PLAGL1: variants seen among roughly 807,000 people sequenced by gnomAD.
PLAGL1 encodes the protein zinc finger protein PLAGL1.
In PLAGL1, 1 loss-of-function variant was observed where a neutral mutation model predicts 4.6. The observed-to-expected ratio is 0.22, with a 90% CI of 0.08 to 1.03. PLAGL1 has a LOEUF of 1.03. Among genes scored for constraint, PLAGL1 ranks in the 50% least tolerant of loss-of-function variants. The pLI is 0.58. For synonymous variants in PLAGL1, 240 were observed against 237.8 expected, an observed-to-expected ratio of 1.01 and a Z score of -0.08; for missense variants, 464 against 570.4, an observed-to-expected ratio of 0.81 and a Z score of 1.90.
rs752733300 is a variant in PLAGL1 at position 144,027,292 on chromosome 6, A to AAAGAAAAAGAAAAAGT, written c.-151+37175_-151+37176insACTTTTTCTTTTTCTT. ...GAAAGAAAGAAAGAAAGAAAGAAAG[A>AAAGAAAAAGAAAAAGT]AAGTTATTTGATCTGAAGTACAATG... On this transcript the variant is annotated intron_variant, in intron 1 of 3. Coordinates refer to the PLAGL1 transcript ENST00000437412. The surrounding 1 kb of genome is among the most constrained non-coding windows in gnomAD (Gnocchi z 5.8). Among the ~76,000 whole-genome samples the AAAGAAAAAGAAAAAGT allele has an allele frequency of 1.4e-5, 2 of 142,492 alleles. No individual in the cohort carries two copies. The highest frequency in any genetic ancestry group is 3.1e-5 in the Non-Finnish European group (2 of 65,024). 93.5% of individuals were successfully genotyped at this position (142,492 alleles called of 152,430 possible).
chr6:144,045,294 T>C (rs539125599), intron 1 of PLAGL1, among the ~76,000 whole-genome samples: 2 of 152,330 alleles, frequency 1.3e-5, no homozygotes, highest in Admixed American at 6.5e-5. Flanking sequence ...GTCTTTACAA[T>C]TGGGCATGTT....
At chr6:144,049,991 A>G (rs1333836499) in intron 1 of PLAGL1, among the ~76,000 whole-genome samples, 1 of 152,150 alleles carries the variant, frequency 6.6e-6, no homozygotes, top group Non-Finnish European at 1.5e-5. Flanking sequence ...GAGGGGAGGA[A>G]AGGTGCAGAT....
chr6:144,049,625 C>T (rs1798435725), intron 1 of PLAGL1, among the ~76,000 whole-genome samples: 2 of 152,050 alleles, frequency 1.3e-5, no homozygotes, highest in South Asian at 4.1e-4. Flanking sequence ...TGAGAACTCA[C>T]TCACTATCAT....
chr6:143,977,666 A>T (rs1477702242), intron 2 of PLAGL1, among the ~76,000 whole-genome samples: 1 of 151,422 alleles, frequency 6.6e-6, no homozygotes, highest in Non-Finnish European at 1.5e-5. Flanking sequence ...TGCCAGGCTA[A>T]TTTTTGTATT....
At chr6:144,029,260 C>T (rs1045136198) in intron 1 of PLAGL1, among the ~76,000 whole-genome samples, 4 of 152,040 alleles carry the variant, frequency 2.6e-5, no homozygotes, top group African/African-American at 9.7e-5. Flanking sequence ...TCCAAGTTTG[C>T]ACAAACCCCA....
intron 1 of PLAGL1, among the ~76,000 whole-genome samples, chr6:144,017,357 G>C (rs1795636178): frequency 6.7e-6 from 1 of 148,544 alleles, no homozygotes; most frequent in Non-Finnish European, 1.5e-5. Context: ...TATTTGCAAT[G>C]ACTTCTCCAT....
chr6:144,004,098 G>A lies in PLAGL1; in HGVS notation c.-584+3992C>T, dbSNP rs1398354817. Among the ~76,000 whole-genome samples, 3 of 152,166 alleles carry A rather than the reference G, an allele frequency of 2.0e-5. No homozygotes were observed. The highest frequency in any genetic ancestry group is 7.2e-5 in the African/African-American group (3 of 41,432). ...TAAATTTTTTTCTGTAAATGGCCAC[G>A]TGGTAAATAGTTTAGGCTTTGTGGG... On this transcript the variant is annotated intron_variant, in intron 1 of 7. Transcript: ENST00000674357. The surrounding 1 kb of genome is among the most constrained non-coding windows in gnomAD (Gnocchi z 4.2).
At chr6:144,010,615 A>G (rs1795107503), upstream of PLAGL1, among the ~76,000 whole-genome samples, 1 of 152,256 alleles carries the variant, frequency 6.6e-6, no homozygotes, top group Non-Finnish European at 1.5e-5. This position sits in a 1 kb window ranked among gnomAD's most constrained non-coding sequence, Gnocchi z 4.1. Flanking sequence ...TTTAAATTTC[A>G]TATGGAACCA....
Position 144,039,084 on chromosome 6 carries a change from G to A in PLAGL1, c.-151+25384C>T, listed in dbSNP as rs1457168307. ...CTCAGGGATAGGGGAAAGACATAAA[G>A]TAAAAACACAAGCCACAAATTTGGG... is the stretch of plus-strand genomic sequence containing the variant. On this transcript the variant is annotated intron_variant, in intron 1 of 3. Coordinates refer to the PLAGL1 transcript ENST00000437412. The surrounding 1 kb of genome is among the most constrained non-coding windows in gnomAD (Gnocchi z 4.1). Among the ~76,000 whole-genome samples the A allele has an allele frequency of 6.6e-6, 1 of 152,014 alleles. No individual in the cohort carries two copies. Among genetic ancestry groups the A allele is most frequent in the Non-Finnish European group, 1.5e-5 (1 of 68,002 alleles).
At chr6:144,051,423 A>G (rs1164140971) in intron 1 of PLAGL1, among the ~76,000 whole-genome samples, 1 of 152,234 alleles carries the variant, frequency 6.6e-6, no homozygotes, top group Non-Finnish European at 1.5e-5. Context: ...CATGAGGCAC[A>G]CACATACAAT....
chr6:143,974,466 C>T (rs980510211), intron 2 of PLAGL1, among the ~76,000 whole-genome samples: 12 of 151,680 alleles, frequency 7.9e-5, no homozygotes, highest in Admixed American at 3.3e-4. Context: ...GTCAAAGATG[C>T]TATTTTGTAT....
intron 1 of PLAGL1, among the ~76,000 whole-genome samples, chr6:144,001,997 A>C (rs758113878): frequency 3.3e-4 from 50 of 152,190 alleles, no homozygotes; most frequent in Admixed American, 7.2e-4. Context: ...TGAAATTAAA[A>C]AAAAAGAACA....
rs567666612 is a variant in PLAGL1, at chr6:143,950,748, G to GTTGA, written c.-324-2292_-324-2289dup. ...CACTTTTCTCAACTTATCTCAGTAA[G>GTTGA]TTGATTCTCCCCAATTCTTGCTTTA... is the stretch of plus-strand genomic sequence containing the variant. On this transcript the variant is annotated intron_variant, in intron 6 of 7. Transcript: ENST00000674357. The surrounding 1 kb of genome is among the most constrained non-coding windows in gnomAD (Gnocchi z 6.3). Among the ~76,000 whole-genome samples the GTTGA allele has an allele frequency of 1.9e-3, 293 of 152,232 alleles. 3 individuals are homozygous for GTTGA. Among genetic ancestry groups the GTTGA allele is most frequent in the East Asian group, 0.014 (72 of 5,186 alleles).
chr6:144,047,588 T>A (rs1798258673), intron 1 of PLAGL1, among the ~76,000 whole-genome samples: 2 of 151,976 alleles, frequency 1.3e-5, no homozygotes, highest in Admixed American at 6.6e-5. Flanking sequence ...CAGGGAAAAT[T>A]CCCTTATAAA....
At chr6:143,967,997 C>CAAAAAAAAAAAAAAAAAAA (rs60021436) in intron 3 of PLAGL1, 1 of 90,020 alleles carries the variant, frequency 1.1e-5, no homozygotes, top group Non-Finnish European at 2.0e-5. Context: ...GGACATTTTG[C>CAAAAAAAAAAAAAAAAAAA]AAAAAAAAAA....
At chr6:144,023,768 CTTTT>C (rs34002736) in intron 1 of PLAGL1, among the ~76,000 whole-genome samples, 4 of 72,664 alleles carry the variant, frequency 5.5e-5, no homozygotes, top group Admixed American at 1.7e-4. Context: ...TCATATTTAG[CTTTT>C]TTTTTTTTTT....
At chr6:144,045,540 T>C (rs1396560602) in intron 1 of PLAGL1, among the ~76,000 whole-genome samples, 1 of 152,152 alleles carries the variant, frequency 6.6e-6, no homozygotes, top group Non-Finnish European at 1.5e-5. Flanking sequence ...GCTTGTAGAG[T>C]TTCTGGCGAG....
At position 144,063,517 on chromosome 6, in the gene PLAGL1, C is replaced by T. The variant is rs1799596573; in HGVS notation, c.-151+951G>A. On this transcript the variant is annotated intron_variant, in intron 1 of 3. Coordinates refer to the PLAGL1 transcript ENST00000437412. The surrounding 1 kb of genome is among the most constrained non-coding windows in gnomAD (Gnocchi z 5.7). ...CTGGGAGGCGCCTCGGGTTAGGCAG[C>T]GACGCACAAAACATAAACCCTGTCA... 6.6e-6 allele frequency among the ~76,000 whole-genome samples: 1 copy of T among 152,174 alleles called. No homozygotes were observed. The highest frequency in any genetic ancestry group is 1.9e-4 in the East Asian group (1 of 5,200).
rs1190101358 is a variant in PLAGL1 at position 144,064,509 on chromosome 6, G to A, written c.-192C>T. 6.6e-6 allele frequency: 1 copy of A among 152,318 alleles called. No individual in the cohort carries two copies. Among genetic ancestry groups the A allele is most frequent in the Non-Finnish European group, 1.5e-5 (1 of 68,170 alleles). The allele number at this position is 152,318 out of a possible 1,614,324, so 9.4% of individuals were successfully genotyped here. ...CCCGCTTGGAAAGTTCTGGAGTCCG[G>A]AGCCCGTGGCCCACTGGGTCAGCTC... is the stretch of plus-strand genomic sequence containing the variant. On this transcript the variant is annotated 5_prime_UTR_variant, in exon 1 of 4. Coordinates refer to the PLAGL1 transcript ENST00000437412. The surrounding 1 kb of genome is among the most constrained non-coding windows in gnomAD (Gnocchi z 6.8).
Sources: gnomAD v4.1 joint callset for allele counts (sites outside exome capture counted in the v4.1 genomes callset) on GRCh38, gnomAD v4.1.1 for gene constraint, Gnocchi (gnomAD v3.1) non-coding constraint, MANE v1.5 for transcripts, NCBI Gene and HGNC (gene_info 2026-07-23, HGNC 2026-07-21) for gene names.